The following SEMA6B variants were observed in gnomAD, a reference collection of about 807,000 sequenced individuals.
SEMA6B encodes the protein semaphorin-6B.
In SEMA6B, 47 loss-of-function variants were observed where a neutral mutation model predicts 78.6. That is an observed-to-expected ratio of 0.60 (90% CI 0.47 to 0.76). The LOEUF (loss-of-function observed/expected upper bound fraction) is 0.76. Ranked by LOEUF, SEMA6B falls within the 30% of genes least tolerant of loss-of-function variation. The probability of loss-of-function intolerance (pLI) is 0.00; values close to 1 mark genes in which losing one functional copy is unlikely to be tolerated. For synonymous variants in SEMA6B, 632 were observed against 592.2 expected (o/e 1.07, Z -0.98); for missense variants, 1,213 against 1,269.9 (o/e 0.96, Z 0.68).
chr19:4,555,052 A>G lies in SEMA6B; in HGVS notation c.606T>C (p.Ile202=), dbSNP rs184154047. The part of the protein sequence containing the change: ...FTATVTDFLA[I]DAVIYRSLGD... ...CGAGGCTGCGGTAGATGACAGCATC[A>G]ATGGCTAGGAAGTCGGTAACAGTAG... Residue 202 remains isoleucine (I), a synonymous_variant, in exon 8 of 17, where the codon ATT becomes ATC. Transcript: ENST00000586582. This position sits in a 1 kb window ranked among gnomAD's most constrained non-coding sequence, Gnocchi z 6.1. 9.9e-6 allele frequency: 16 copies of G among 1,613,890 alleles called. No individual in the cohort carries two copies. The highest frequency in any genetic ancestry group is 1.7e-5 in the Admixed American group (1 of 59,996).
chr19:4,546,063 G>C, intron 16 of SEMA6B, 153 bp downstream of exon 16: 1 of 752,504 alleles, frequency 1.3e-6, no homozygotes, highest in Non-Finnish European at 2.1e-6. Context: ...GAGCCACCGC[G>C]CCCGGCCCAC....
At position 4,543,102 on chromosome 19, in the gene SEMA6B, C is replaced by T. The variant is rs1260618417; in HGVS notation, c.*499G>A. 4 of 629,116 alleles carry T rather than the reference C, an allele frequency of 6.4e-6. No individual in the cohort carries two copies. Among genetic ancestry groups the T allele is most frequent in the Admixed American group, 4.9e-5 (2 of 40,802 alleles). 39.0% of individuals were successfully genotyped at this position (629,116 alleles called of 1,614,324 possible). On this transcript the variant is annotated 3_prime_UTR_variant, in exon 17 of 17. Transcript: ENST00000586582. ...GCACGCACACACACGCCCACCTCCCCGGCCCCTTGCACACGAACACGGCAC... is the reference window on the plus strand; with the variant it reads ...GCACGCACACACACGCCCACCTCCCTGGCCCCTTGCACACGAACACGGCAC...
At position 4,554,475 on chromosome 19, in the gene SEMA6B, C is replaced by T. The variant is rs758788148; in HGVS notation, c.684G>A (p.Glu228=). The change falls in exon 9 of 17, where the codon GAG becomes GAA. Residue 228 remains glutamate (E), a splice_region_variant and synonymous_variant. Coordinates refer to ENST00000586582, the MANE Select transcript of SEMA6B (RefSeq NM_032108.4). ...TVKHDSKWFK[E]PYFVHAVEWG... is the part of the protein sequence containing the mutation. ...ACTCCACCGCATGGACAAAGTAAGG[C>T]TCTGCAGGACAGGAGGGGTCAGAAC... The T allele has an allele frequency of 1.4e-5, 22 of 1,613,348 alleles. No individual in the cohort carries two copies. Among genetic ancestry groups the T allele is most frequent in the South Asian group, 1.1e-5 (1 of 91,064 alleles).
intron 14 of SEMA6B, 82 bp from the exon 15 acceptor site, chr19:4,546,551 G>T: frequency 2.6e-6 from 2 of 761,792 alleles, no homozygotes; most frequent in Non-Finnish European, 3.8e-6. Context: ...TGTGGGCCCT[G>T]TTCCAAGCAC....
In SEMA6B at chr19:4,543,566, G is replaced by A. The variant is rs967518129; in HGVS notation, c.*35C>T. ...ACCGTCTCTCGCTCCTGGTTCCCGTGGCTGGCACTGCCAAGGCATCGGGGG... is the reference window on the plus strand; with the variant it reads ...ACCGTCTCTCGCTCCTGGTTCCCGTAGCTGGCACTGCCAAGGCATCGGGGG... On this transcript the variant is annotated 3_prime_UTR_variant, in exon 17 of 17. Coordinates refer to ENST00000586582, the MANE Select transcript of SEMA6B (RefSeq NM_032108.4). The A allele has an allele frequency of 9.0e-6, 10 of 1,116,792 alleles. No homozygotes were observed. Among genetic ancestry groups the A allele is most frequent in the Non-Finnish European group, 9.1e-6 (8 of 880,226 alleles). The allele number at this position is 1,116,792 out of a possible 1,614,324, so 69.2% of individuals were successfully genotyped here.
chr19:4,547,828 G>A (rs1450639767), intron 14 of SEMA6B, among the ~76,000 whole-genome samples, 199 bp downstream of exon 14: 1 of 151,462 alleles, frequency 6.6e-6, no homozygotes, highest in East Asian at 1.9e-4. Context: ...TGCTCACTGT[G>A]CTCCAGCCAC....
chr19:4,546,245 G>T lies in SEMA6B; in HGVS notation c.1709C>A (p.Ala570Asp). 6.2e-7 allele frequency: 1 copy of T among 1,612,956 alleles called. No homozygotes were observed. Among genetic ancestry groups the T allele is most frequent in the Non-Finnish European group, 8.5e-7 (1 of 1,179,918 alleles). The change falls in exon 16 of 17, where the codon GCC becomes GAC. Residue 570 changes from alanine (A) to aspartate (D), a missense_variant. Ala to Asp is a moderately radical substitution (Grantham distance 126). Coordinates refer to ENST00000586582, the MANE Select transcript of SEMA6B (RefSeq NM_032108.4). ...RAAFEQDVSG[A>D]STSGLGDCTG... ...GCAGTCCCCTAAGCCTGAGGTGCTG[G>T]CCCCGGACACGTCCTGCTCAAAGGC...
intron 1 of SEMA6B, 64 bp downstream of exon 1, chr19:4,559,466 G>T: frequency 6.6e-6 from 1 of 152,292 alleles, no homozygotes; most frequent in Non-Finnish European, 1.5e-5. Context: ...TGACATAGCA[G>T]CGGAATTCAC....
intron 14 of SEMA6B, among the ~76,000 whole-genome samples, chr19:4,547,741 G>A (rs1295281894): frequency 6.6e-6 from 1 of 152,084 alleles, no homozygotes; most frequent in East Asian, 1.9e-4. Flanking sequence ...TCCTCCCCGA[G>A]GCTCACAAAG....
At chr19:4,554,909 G>C in intron 8 of SEMA6B, 67 bp downstream of exon 8, 1 of 1,559,374 alleles carries the variant, frequency 6.4e-7, no homozygotes. Context: ...ATTCTGGTGG[G>C]GAGATTTGAT....
chr19:4,557,911 G>A lies in SEMA6B; in HGVS notation c.245+115C>T, dbSNP rs185443190. ...GGGTCAAAGCCTAAGTCCTCCCAAT[G>A]GCCCAACAGGCCCTGCACGACCTGC... On this transcript the variant is annotated intron_variant, in intron 3 of 16. Transcript: ENST00000586582. The A allele has an allele frequency of 5.2e-4, 474 of 902,868 alleles. 8 individuals carry two copies. In the East Asian group the frequency reaches 0.016, roughly 30 times the overall value. The allele number at this position is 902,868 out of a possible 1,614,324, so 55.9% of individuals were successfully genotyped here.
In SEMA6B at chr19:4,558,472, G is replaced by A. The variant is rs1334532691; in HGVS notation, c.-15C>T. 2.4e-6 allele frequency: 3 copies of A among 1,240,108 alleles called. No homozygotes were observed. Among genetic ancestry groups the A allele is most frequent in the Non-Finnish European group, 3.0e-6 (3 of 988,750 alleles). The allele number at this position is 1,240,108 out of a possible 1,614,324, so 76.8% of individuals were successfully genotyped here. On this transcript the variant is annotated 5_prime_UTR_variant, in exon 2 of 17. Coordinates refer to ENST00000586582, the MANE Select transcript of SEMA6B (RefSeq NM_032108.4). This position sits in a 1 kb window ranked among gnomAD's most constrained non-coding sequence, Gnocchi z 5.1. ...GGGGTCTGCATGGCGAGGGCCAGGC[G>A]ACAGGAGGAGGTGACGCCTGCGGGC...
At chr19:4,549,299 C>CTTTTTTTTTTT (rs55771429) in intron 12 of SEMA6B, among the ~76,000 whole-genome samples, 1 of 98,584 alleles carries the variant, frequency 1.0e-5, no homozygotes, top group Non-Finnish European at 1.9e-5. Context: ...CTGTCTACCT[C>CTTTTTTTTTTT]TTTTTTTTTT....
intron 3 of SEMA6B, 73 bp downstream of exon 3, chr19:4,557,953 C>A (rs1289147141): frequency 1.6e-6 from 2 of 1,242,344 alleles, no homozygotes; most frequent in Non-Finnish European, 1.0e-6. Flanking sequence ...CCCTCCCTGC[C>A]CTCGCCTCCT....
In SEMA6B at chr19:4,550,602, G is replaced by T. The variant is rs955556984; in HGVS notation, c.1121+197C>A. Among the ~76,000 whole-genome samples the T allele has an allele frequency of 1.3e-5, 2 of 152,148 alleles. No homozygotes were observed. The highest frequency in any genetic ancestry group is 2.9e-5 in the Non-Finnish European group (2 of 68,038). On this transcript the variant is annotated intron_variant, in intron 11 of 16. Transcript: ENST00000586582. The surrounding 1 kb of genome is among the most constrained non-coding windows in gnomAD (Gnocchi z 6.6). ...TGGTCTCAAACCCTCGACCTCAGGTGATCTGCCCACCTCCGCCTCCCAAAG... is the reference window on the plus strand; with the variant it reads ...TGGTCTCAAACCCTCGACCTCAGGTTATCTGCCCACCTCCGCCTCCCAAAG...
Position 4,552,428 on chromosome 19 carries a change from C to T in SEMA6B, c.983G>A (p.Ser328Asn), listed in dbSNP as rs1380271366. ...PVVLAVFSTP[S>N]NSIPGSAVCA... is the part of the protein sequence containing the mutation. ...CCCATTGGTGGGCGCTGACCTGTTGCTGGGCGTGGAAAAAACGGCCAGGAC... is the reference window on the plus strand; with the variant it reads ...CCCATTGGTGGGCGCTGACCTGTTGTTGGGCGTGGAAAAAACGGCCAGGAC... The change falls in exon 10 of 17, where the codon AGC becomes AAC. Residue 328 changes from serine to asparagine, a missense_variant. Ser to Asn is a conservative substitution (Grantham distance 46). Coordinates refer to ENST00000586582, the MANE Select transcript of SEMA6B (RefSeq NM_032108.4). The surrounding 1 kb of genome is among the most constrained non-coding windows in gnomAD (Gnocchi z 7.4). 1 of 1,580,112 alleles carries T rather than the reference C, an allele frequency of 6.3e-7. No individual in the cohort carries two copies. The highest frequency in any genetic ancestry group is 1.8e-5 in the Admixed American group (1 of 54,688).
chr19:4,546,423 C>T lies in SEMA6B; in HGVS notation c.1648G>A (p.Gly550Ser), dbSNP rs371930890. 7.0e-5 allele frequency: 111 copies of T among 1,580,682 alleles called. No homozygotes were observed. The highest frequency in any genetic ancestry group is 9.0e-5 in the Non-Finnish European group (105 of 1,162,706). Reference sequence around the variant, plus strand: ...CCCGGGCTGAGGAAGATGCAGGAGCCGTCGGGGGCCCACCCGCAGTAGGGG... The same window carrying T: ...CCCGGGCTGAGGAAGATGCAGGAGCTGTCGGGGGCCCACCCGCAGTAGGGG... ...QDPYCGWAPDGSCIFLSPGTR... is the reference protein window; with the variant it reads ...QDPYCGWAPDSSCIFLSPGTR... The change falls in exon 15 of 17, where the codon GGC (glycine) becomes AGC (serine). Residue 550 changes from glycine to serine, a missense_variant. Transcript: ENST00000586582.
In SEMA6B at chr19:4,542,910, G is replaced by A. The variant is rs573221572; in HGVS notation, c.*691C>T. 1.0e-5 allele frequency: 7 copies of A among 701,216 alleles called. No homozygotes were observed. The highest frequency in any genetic ancestry group is 1.6e-5 in the Non-Finnish European group (6 of 384,870). The allele number at this position is 701,216 out of a possible 1,614,324, so 43.4% of individuals were successfully genotyped here. A position where few individuals can be genotyped will look rare whatever the true frequency, so the allele number is the denominator to read the frequency against. On this transcript the variant is annotated 3_prime_UTR_variant, in exon 17 of 17. Coordinates refer to ENST00000586582, the MANE Select transcript of SEMA6B (RefSeq NM_032108.4). ...CCCGCTTCCCTCTGCAGAGTGGGGG[G>A]GGTTCAAACTCCTAACCGGCACCTC...
Position 4,550,366 on chromosome 19 carries a change from C to T in SEMA6B, c.1122-94G>A, listed in dbSNP as rs1977293191. 2 of 1,316,736 alleles carry T rather than the reference C, an allele frequency of 1.5e-6. No homozygotes were observed. Among genetic ancestry groups the T allele is most frequent in the Admixed American group, 2.0e-5 (1 of 49,646 alleles). 81.6% of individuals were successfully genotyped at this position (1,316,736 alleles called of 1,614,324 possible). A position where few individuals can be genotyped will look rare whatever the true frequency, so the allele number is the denominator to read the frequency against. ...GTACCCATTGCTTTGCCCAACGACC[C>T]TCAGGTTTTTTGTTTGTTTTGTTTT... On this transcript the variant is annotated intron_variant, in intron 11 of 16. Coordinates refer to ENST00000586582, the MANE Select transcript of SEMA6B (RefSeq NM_032108.4). The surrounding 1 kb of genome is among the most constrained non-coding windows in gnomAD (Gnocchi z 6.6).
Sources: gnomAD v4.1 joint callset for allele counts (sites outside exome capture counted in the v4.1 genomes callset) on GRCh38, gnomAD v4.1.1 for gene constraint, Gnocchi (gnomAD v3.1) non-coding constraint, MANE v1.5 for transcripts, NCBI Gene and HGNC (gene_info 2026-07-23, HGNC 2026-07-21) for gene names.